KAZN: variants seen among roughly 807,000 people sequenced by gnomAD.
The protein encoded by KAZN is kazrin.
KAZN carries 40 observed loss-of-function variants against 87.4 expected under a neutral mutation model. That is an observed-to-expected ratio of 0.46 (90% confidence interval 0.36 to 0.60). The LOEUF is 0.60. Ranked by LOEUF, KAZN falls within the 20% of genes least tolerant of loss-of-function variation. The probability of loss-of-function intolerance (pLI) is 0.00; values close to 1 mark genes in which losing one functional copy is unlikely to be tolerated. For missense variants in KAZN, 898 were observed against 1,073.9 expected (o/e 0.84, Z 2.29); for synonymous variants, 466 against 458.3 (o/e 1.02, Z -0.22).
intron 1 of KAZN, among the ~76,000 whole-genome samples, chr1:14,831,041 G>A (rs987512532): frequency 8.5e-5 from 13 of 152,284 alleles, no homozygotes; most frequent in African/African-American, 2.9e-4. Context: ...CCCACTTTTA[G>A]TAGAGACAGG....
Position 14,599,295 on chromosome 1 carries a change from C to T in KAZN, c.226+72C>T. On this transcript the variant is annotated intron_variant, in intron 1 of 14. Transcript: ENST00000376030. This position sits in a 1 kb window ranked among gnomAD's most constrained non-coding sequence, Gnocchi z 4.4. ...GCCCGGCCTCGGAGGTGGCCGGGGA[C>T]CCGGGGTCCCCCACACCCGGGGCGA... is the stretch of plus-strand genomic sequence containing the variant. The T allele has an allele frequency of 7.9e-7, 1 of 1,267,822 alleles. No individual in the cohort carries two copies. The highest frequency in any genetic ancestry group is 3.2e-5 in the East Asian group (1 of 30,792). The allele number at this position is 1,267,822 out of a possible 1,614,324, so 78.5% of individuals were successfully genotyped here. A position where few individuals can be genotyped will look rare whatever the true frequency, so the allele number is the denominator to read the frequency against.
intron 2 of KAZN, among the ~76,000 whole-genome samples, chr1:14,422,954 GGCTGACTTGTAGCA>G (rs1185707178): frequency 6.6e-6 from 1 of 152,156 alleles, no homozygotes. Flanking sequence ...TTTGCCTAAG[GGCTGACTTGTAGCA>G]GCCCTTTGTC....
intron 1 of KAZN, among the ~76,000 whole-genome samples, chr1:14,706,337 G>A (rs891384661): frequency 2.0e-5 from 3 of 151,720 alleles, no homozygotes; most frequent in East Asian, 1.9e-4. Flanking sequence ...CCCCCACCCC[G>A]CCAATCTGGG....
chr1:13,924,823 A>C (rs1640210338), intron 1 of KAZN, among the ~76,000 whole-genome samples: 1 of 152,194 alleles, frequency 6.6e-6, no homozygotes, highest in African/African-American at 2.4e-5. Flanking sequence ...CACCTTGGGC[A>C]CATGTCGTCA....
intron 1 of KAZN, among the ~76,000 whole-genome samples, chr1:14,130,804 G>A (rs993076604): frequency 1.3e-5 from 2 of 152,072 alleles, no homozygotes; most frequent in African/African-American, 4.8e-5. Context: ...AGGCAATTCT[G>A]AAAAGAAAAG....
intron 2 of KAZN, among the ~76,000 whole-genome samples, chr1:14,370,746 G>A (rs1287944048): frequency 6.6e-6 from 1 of 152,172 alleles, no homozygotes; most frequent in Non-Finnish European, 1.5e-5. Flanking sequence ...GACTGGAGTT[G>A]AGATCATGGC....
At chr1:14,465,631 A>T (rs1668083556) in intron 2 of KAZN, among the ~76,000 whole-genome samples, 1 of 152,080 alleles carries the variant, frequency 6.6e-6, no homozygotes, top group East Asian at 1.9e-4. Context: ...GCAGAACATT[A>T]CTTCTGCCAC....
At chr1:14,051,772 G>A (rs1020263759) in intron 1 of KAZN, among the ~76,000 whole-genome samples, 45 of 152,062 alleles carry the variant, frequency 3.0e-4, no homozygotes, top group Admixed American at 2.5e-3. Flanking sequence ...CCCGGGAGGC[G>A]GAGGTTGCAA....
chr1:14,526,597 T>C (rs1671878530), intron 2 of KAZN, among the ~76,000 whole-genome samples: 1 of 152,218 alleles, frequency 6.6e-6, no homozygotes, highest in Non-Finnish European at 1.5e-5. Flanking sequence ...TAAGTGAATA[T>C]TTTTGTTCCT....
At chr1:14,075,332 A>G (rs1397877273) in intron 1 of KAZN, among the ~76,000 whole-genome samples, 2 of 152,202 alleles carry the variant, frequency 1.3e-5, no homozygotes, top group Non-Finnish European at 2.9e-5. Context: ...CACCCCTGGC[A>G]GAACTCACTC....
intron 1 of KAZN, among the ~76,000 whole-genome samples, chr1:14,871,045 G>A (rs543748992): frequency 1.3e-5 from 2 of 152,292 alleles, no homozygotes; most frequent in South Asian, 4.1e-4. Flanking sequence ...CTTTGTCCAG[G>A]CCCACCTGAT....
intron 1 of KAZN, among the ~76,000 whole-genome samples, chr1:13,934,067 G>A (rs4661451): frequency 0.54 from 82,559 of 152,070 alleles, 22,753 homozygotes; most frequent in Admixed American, 0.67. Context: ...GCCTGTACCA[G>A]TCCTTTTAAA....
intron 1 of KAZN, among the ~76,000 whole-genome samples, chr1:14,148,793 C>A (rs1486797332): frequency 6.6e-6 from 1 of 152,140 alleles, no homozygotes. Context: ...GCTTGACTCC[C>A]CCAAAATGCC....
At chr1:14,343,346 C>T (rs1189237019) in intron 2 of KAZN, among the ~76,000 whole-genome samples, 1 of 152,142 alleles carries the variant, frequency 6.6e-6, no homozygotes, top group African/African-American at 2.4e-5. Context: ...TCCTGCCACA[C>T]TCAAGCAATT....
intron 2 of KAZN, among the ~76,000 whole-genome samples, chr1:14,984,726 T>TG (rs1275678592): frequency 6.6e-6 from 1 of 152,182 alleles, no homozygotes; most frequent in Non-Finnish European, 1.5e-5. Flanking sequence ...TAGAGCCCTT[T>TG]GTCCTTCCAG....
intron 2 of KAZN, among the ~76,000 whole-genome samples, chr1:14,263,208 A>G (rs1198917262): frequency 6.6e-6 from 1 of 152,212 alleles, no homozygotes; most frequent in East Asian, 1.9e-4. Flanking sequence ...GCCATAGACC[A>G]TAAACCACAA....
In KAZN at chr1:14,207,441, G is replaced by A. The variant is rs80225800; in HGVS notation, c.249+26849G>A. On this transcript the variant is annotated intron_variant, in intron 2 of 16. Coordinates refer to the KAZN transcript ENST00000636203. ...CAACCCGAGCATCATGTTTTTCAAA[G>A]CTTTGCTGTGATGATCAAAATATCA... Among the ~76,000 whole-genome samples, 240 of 152,186 alleles carry A rather than the reference G, an allele frequency of 1.6e-3. 5 individuals are homozygous for A. The East Asian group carries it at 0.043, about 27-fold the overall frequency.
At chr1:14,172,044 T>A (rs138064991) in intron 1 of KAZN, among the ~76,000 whole-genome samples, 13 of 152,208 alleles carry the variant, frequency 8.5e-5, no homozygotes, top group Non-Finnish European at 1.6e-4. Context: ...GAAATTGAAA[T>A]GAGCCCTTCG....
chr1:14,986,017 A>AAAAAG (rs1479223304), intron 2 of KAZN, among the ~76,000 whole-genome samples: 26 of 151,052 alleles, frequency 1.7e-4, no homozygotes, highest in Non-Finnish European at 3.4e-4. Flanking sequence ...AAAAAAAAAA[A>AAAAAG]AAAAAAAGGA....
Sources: allele counts gnomAD v4.1 joint callset (sites outside exome capture counted in the v4.1 genomes callset), GRCh38; gene constraint gnomAD v4.1.1; non-coding constraint Gnocchi (gnomAD v3.1); transcripts MANE v1.5; gene names NCBI Gene and HGNC (gene_info 2026-07-23, HGNC 2026-07-21).